The following DNMT1 variants were observed in gnomAD, a reference collection of about 807,000 sequenced individuals.
DNMT1 encodes the protein DNA methyltransferase 1, also known as DNA (cytosine-5)-methyltransferase 1.
In DNMT1, 24 loss-of-function variants were observed where a neutral mutation model predicts 205.3. The observed-to-expected ratio is 0.12, with a 90% CI of 0.08 to 0.16. The LOEUF is 0.16. Ranked by LOEUF, DNMT1 falls within the 10% of genes least tolerant of loss-of-function variation. The pLI, the probability that DNMT1 is intolerant of heterozygous loss-of-function variation, is 1.00. For missense variants in DNMT1, 1,293 were observed against 2,177.7 expected, an observed-to-expected ratio of 0.59 and a Z score of 8.09; for synonymous variants, 817 against 839.8, an observed-to-expected ratio of 0.97 and a Z score of 0.47.
At chr19:10,143,716 C>T (rs151175082) in intron 29 of DNMT1, 50 bp downstream of exon 29, 1 of 1,601,702 alleles carries the variant, frequency 6.2e-7, no homozygotes, top group Non-Finnish European at 8.6e-7. Flanking sequence ...TCAGGCAGAG[C>T]CTTCTAGAAG....
chr19:10,140,516 C>A lies in DNMT1; in HGVS notation c.3524-188G>T. The A allele has an allele frequency of 1.1e-6, 1 of 926,256 alleles. No homozygotes were observed. 57.4% of individuals were successfully genotyped at this position (926,256 alleles called of 1,614,324 possible). ...TCCTGAGTAGCTGGGACTACAGGCA[C>A]ACACCACCACGCCCAGCTAATTTTT... On this transcript the variant is annotated intron_variant, in intron 32 of 40. Transcript: ENST00000359526. The surrounding 1 kb of genome is among the most constrained non-coding windows in gnomAD (Gnocchi z 8.4).
rs79429497 is a variant in DNMT1, at chr19:10,142,877, T to C, written c.3117-657A>G. The C allele has an allele frequency of 5.7e-3, 902 of 158,280 alleles. 19 individuals carry two copies. Among genetic ancestry groups the C allele is most frequent in the East Asian group, 0.034 (184 of 5,352 alleles). 9.8% of individuals were successfully genotyped at this position (158,280 alleles called of 1,614,324 possible). A position where few individuals can be genotyped will look rare whatever the true frequency, so the allele number is the denominator to read the frequency against. ...CTGGCCCTGCCCTGCTGTGTCCGCC[T>C]GCCGGTAGCAGCCTCTCGAGTGTGT... On this transcript the variant is annotated intron_variant, in intron 29 of 40. Coordinates refer to ENST00000359526, the MANE Select transcript of DNMT1 (RefSeq NM_001130823.3).
At chr19:10,148,328 C>G (rs74178197) in intron 27 of DNMT1, among the ~76,000 whole-genome samples, 1 of 149,482 alleles carries the variant, frequency 6.7e-6, no homozygotes, top group Non-Finnish European at 1.5e-5. Flanking sequence ...AACCTCGTCT[C>G]TACTAAAAAT....
At chr19:10,186,610 G>A (rs923355148) in intron 1 of DNMT1, among the ~76,000 whole-genome samples, 35 of 151,844 alleles carry the variant, frequency 2.3e-4, no homozygotes, top group Admixed American at 1.4e-3. Context: ...AGGCCGAGGC[G>A]GGCGGATCAC....
intron 27 of DNMT1, among the ~76,000 whole-genome samples, chr19:10,147,021 G>A (rs188314777): frequency 6.6e-6 from 1 of 152,276 alleles, no homozygotes; most frequent in Non-Finnish European, 1.5e-5. Flanking sequence ...CCCTTTGGGA[G>A]GCCAAGGCAG....
chr19:10,160,070 G>GA lies in DNMT1; in HGVS notation c.1044-8dup, dbSNP rs59599980. ...AGCCATTTTTTTCTCCGTTCTGGGG[G>GA]AAAAAAAAAAATCACAAGATCGTTT... On this transcript the variant is annotated splice_region_variant and splice_polypyrimidine_tract_variant and intron_variant, in intron 14 of 40. Coordinates refer to ENST00000359526, the MANE Select transcript of DNMT1 (RefSeq NM_001130823.3). 4.1e-4 allele frequency: 646 copies of GA among 1,566,404 alleles called. No homozygotes were observed. Among genetic ancestry groups the GA allele is most frequent in the African/African-American group, 4.5e-4 (33 of 74,064 alleles).
chr19:10,162,951 T>C (rs1025212245), intron 12 of DNMT1: 3 of 598,608 alleles, frequency 5.0e-6, no homozygotes, highest in Non-Finnish European at 8.7e-6. Flanking sequence ...TCACCACAGG[T>C]TTCTAGAACA....
At chr19:10,192,202 C>A (rs1464816956) in intron 1 of DNMT1, among the ~76,000 whole-genome samples, 1 of 151,888 alleles carries the variant, frequency 6.6e-6, no homozygotes, top group Non-Finnish European at 1.5e-5. Flanking sequence ...AGGAGGATTG[C>A]TTGAGCTCAG....
intron 5 of DNMT1, chr19:10,179,984 T>C: frequency 4.0e-6 from 1 of 248,018 alleles, no homozygotes; most frequent in Non-Finnish European, 7.5e-6. Flanking sequence ...AGCAAGACTC[T>C]GTCATTAAAA....
chr19:10,138,042 G>A lies in DNMT1; in HGVS notation c.4116-33C>T. On this transcript the variant is annotated intron_variant, in intron 35 of 40. Transcript: ENST00000359526. The surrounding 1 kb of genome is among the most constrained non-coding windows in gnomAD (Gnocchi z 4.1). Reference sequence around the variant, plus strand: ...AGAGGAGGAGGTCAACACCTCTGGAGATGCACGCAGCAGCTGTCCCCTCAT... The same window carrying A: ...AGAGGAGGAGGTCAACACCTCTGGAAATGCACGCAGCAGCTGTCCCCTCAT... The A allele has an allele frequency of 6.3e-7, 1 of 1,595,802 alleles. No individual in the cohort carries two copies. The highest frequency in any genetic ancestry group is 8.5e-7 in the Non-Finnish European group (1 of 1,171,318).
chr19:10,173,583 C>T (rs2038871448), intron 8 of DNMT1, among the ~76,000 whole-genome samples: 1 of 151,734 alleles, frequency 6.6e-6, no homozygotes, highest in African/African-American at 2.4e-5. Context: ...CCTCTACCTC[C>T]TGGGTTCAAG....
At chr19:10,182,644 A>G (rs181891311) in intron 1 of DNMT1, among the ~76,000 whole-genome samples, 29 of 151,594 alleles carry the variant, frequency 1.9e-4, no homozygotes, top group Admixed American at 7.3e-4. Flanking sequence ...ACACATATAT[A>G]CATACATACA....
Position 10,138,477 on chromosome 19 carries a change from C to T in DNMT1, c.4077G>A (p.Val1359=), listed in dbSNP as rs577069147. Reference sequence around the variant, plus strand: ...TCACAAACTTCTTGTCATCCACCACCACGCTCAGCTGGCAGGCCCGGGGAG... The same window carrying T: ...TCACAAACTTCTTGTCATCCACCACTACGCTCAGCTGGCAGGCCCGGGGAG... ...VFAPRACQLS[V]VVDDKKFVSN... Residue 1359 remains valine (V), a synonymous_variant, in exon 35 of 41, where the codon GTG becomes GTA. Transcript: ENST00000359526. This position sits in a 1 kb window ranked among gnomAD's most constrained non-coding sequence, Gnocchi z 4.1. The T allele has an allele frequency of 6.2e-7, 1 of 1,613,856 alleles. No homozygotes were observed. Among genetic ancestry groups the T allele is most frequent in the African/African-American group, 1.3e-5 (1 of 74,960 alleles).
At chr19:10,149,130 C>T (rs1230998307) in intron 26 of DNMT1, 113 bp from the exon 27 acceptor site, 2 of 1,429,408 alleles carry the variant, frequency 1.4e-6, no homozygotes. Context: ...TCGAGACCAG[C>T]CTGGCCAACA....
At chr19:10,177,269 C>G (rs928326008) in intron 6 of DNMT1, 23 bp downstream of exon 6, 3 of 1,612,724 alleles carry the variant, frequency 1.9e-6, no homozygotes, top group Non-Finnish European at 2.5e-6. Context: ...AAAAAGGCAG[C>G]CGCCAATTTA....
At chr19:10,194,046 G>T (rs538225717) in intron 1 of DNMT1, among the ~76,000 whole-genome samples, 233 of 152,218 alleles carry the variant, frequency 1.5e-3, no homozygotes, top group African/African-American at 5.3e-3. Context: ...AAACACACAC[G>T]AAAGTGTAGC....
At chr19:10,187,493 C>T (rs1187972642) in intron 1 of DNMT1, among the ~76,000 whole-genome samples, 1 of 151,522 alleles carries the variant, frequency 6.6e-6, no homozygotes, top group Admixed American at 6.6e-5. Flanking sequence ...CTTAGCTACT[C>T]GGGAGGCAGA....
chr19:10,177,971 A>G lies in DNMT1; in HGVS notation c.494-604T>C, dbSNP rs573279587. On this transcript the variant is annotated intron_variant, in intron 5 of 40. Coordinates refer to ENST00000359526, the MANE Select transcript of DNMT1 (RefSeq NM_001130823.3). ...AAAAGAAAAGAAAGAAAGAAAAAAAAGAAATAGGCCAGGTGCAGTGGCTCA... is the reference window on the plus strand; with the variant it reads ...AAAAGAAAAGAAAGAAAGAAAAAAAGGAAATAGGCCAGGTGCAGTGGCTCA... Among the ~76,000 whole-genome samples, 7 of 151,972 alleles carry G rather than the reference A, an allele frequency of 4.6e-5. No individual in the cohort carries two copies. In the South Asian group the frequency reaches 1.5e-3, roughly 32 times the overall value.
At position 10,194,857 on chromosome 19, in the gene DNMT1, C is replaced by T. The variant is rs769897113; in HGVS notation, c.43G>A (p.Val15Ile). 2 of 1,611,550 alleles carry T rather than the reference C, an allele frequency of 1.2e-6. No individual in the cohort carries two copies. Among genetic ancestry groups the T allele is most frequent in the Non-Finnish European group, 1.7e-6 (2 of 1,179,172 alleles). Residue 15 changes from valine (V) to isoleucine (I), a missense_variant, in exon 1 of 41, where the codon GTC becomes ATC. By Grantham distance (29) the Val-to-Ile change is conservative (BLOSUM62 3). Transcript: ENST00000359526. ...TCGTCGGGCAGCGAGATGGCCGGGA[C>T]GGCCAGTGTGGGCACCCGGGCTGGG... ...TAPARVPTLA[V>I]PAISLPDDVR...
Sources: allele counts gnomAD v4.1 joint callset (sites outside exome capture counted in the v4.1 genomes callset), GRCh38; gene constraint gnomAD v4.1.1; non-coding constraint Gnocchi (gnomAD v3.1); transcripts MANE v1.5; gene names NCBI Gene and HGNC (gene_info 2026-07-23, HGNC 2026-07-21).